Variants in DCX observed in about 807,000 individuals in gnomAD.
DCX encodes neuronal migration protein doublecortin.
In DCX, 4 loss-of-function variants were observed where a neutral mutation model predicts 20.9. The ratio of observed to expected loss-of-function variants is 0.19; its 90% confidence interval spans 0.09 to 0.44. DCX has a LOEUF of 0.44. DCX is among the 20% of genes least tolerant of loss of function. The pLI is 0.99. For missense variants in DCX, 133 were observed against 296.9 expected (o/e 0.45, Z 4.06); for synonymous variants, 103 against 111.4 (o/e 0.92, Z 0.47).
At chrX:111,301,847 T>A in intron 6 of DCX, 104 bp from the exon 7 acceptor site, 1 of 733,456 alleles carries the variant, frequency 1.4e-6, no homozygotes, top group Non-Finnish European at 2.1e-6. Flanking sequence ...TTTTACAACA[T>A]AATAATTATA....
At chrX:111,329,758 T>C (rs993942348) in intron 5 of DCX, among the ~76,000 whole-genome samples, 8 of 111,841 alleles carry the variant, frequency 7.2e-5, no homozygotes, top group Non-Finnish European at 1.5e-4. Context: ...GTAATATGCA[T>C]GCTCCTGGCA....
intron 2 of DCX, among the ~76,000 whole-genome samples, chrX:111,406,350 A>G (rs921045753): frequency 8.9e-6 from 1 of 112,340 alleles, no homozygotes; most frequent in African/African-American, 3.2e-5. Flanking sequence ...ACAATCCCTT[A>G]CTAACATAAT....
intron 3 of DCX, among the ~76,000 whole-genome samples, chrX:111,333,363 T>C (rs1921438205): frequency 9.0e-6 from 1 of 111,696 alleles, no homozygotes; most frequent in African/African-American, 3.3e-5. Flanking sequence ...TATCCATGTT[T>C]CATGTATGGT....
In DCX at chrX:111,295,041, A is replaced by T. The variant is rs1423047649; in HGVS notation, c.*6646T>A. ...CGTGGGAAATGCAAAATTCAATAAA[A>T]CATGCATTAGTTGTATACAAGTCAT... On this transcript the variant is annotated 3_prime_UTR_variant, in exon 7 of 7. Transcript: ENST00000636035. The T allele has an allele frequency of 8.9e-6, 1 of 112,843 alleles. No individual in the cohort carries two copies. The highest frequency in any genetic ancestry group is 1.9e-5 in the Non-Finnish European group (1 of 53,287). The allele number at this position is 112,843 out of a possible 1,213,427, so 9.3% of individuals were successfully genotyped here. A position where few individuals can be genotyped will look rare whatever the true frequency, so the allele number is the denominator to read the frequency against.
chrX:111,364,875 CTTGTT>C (rs759663303), intron 3 of DCX, among the ~76,000 whole-genome samples: 190 of 109,878 alleles, frequency 1.7e-3, no homozygotes, highest in Middle Eastern at 4.6e-3. Flanking sequence ...TCTTATTTAT[CTTGTT>C]TTGTTTTGTT....
At chrX:111,320,596 GA>G (rs1370011014) in intron 5 of DCX, among the ~76,000 whole-genome samples, 3 of 110,839 alleles carry the variant, frequency 2.7e-5, no homozygotes, top group Non-Finnish European at 5.7e-5. Context: ...TCCCTTCTCA[GA>G]ACCACAGCAT....
At chrX:111,408,632 G>GAGAAAGAAAGAAAGAAAGAA (rs61699743) in intron 2 of DCX, among the ~76,000 whole-genome samples, 27 of 78,000 alleles carry the variant, frequency 3.5e-4, no homozygotes, top group Admixed American at 3.3e-4. Context: ...AGAAAGAAAA[G>GAGAAAGAAAGAAAGAAAGAA]AGAAAGAAAG....
At position 111,376,593 on chromosome X, in the gene DCX, C is replaced by T. The variant is rs138310986; in HGVS notation, c.705+24397G>A. ...GAATTGTCCCTTAAAGATTCTCTAGCTTAGTGGTTCTTAAACACGAGTTTG... is the reference window on the plus strand; with the variant it reads ...GAATTGTCCCTTAAAGATTCTCTAGTTTAGTGGTTCTTAAACACGAGTTTG... On this transcript the variant is annotated intron_variant, in intron 3 of 6. Transcript: ENST00000636035. Among the ~76,000 whole-genome samples the T allele has an allele frequency of 1.5e-3, 168 of 111,577 alleles. 1 individual carries two copies. Among genetic ancestry groups the T allele is most frequent in the African/African-American group, 5.2e-3 (161 of 30,754 alleles).
At chrX:111,383,629 T>C (rs1189281541) in intron 3 of DCX, among the ~76,000 whole-genome samples, 2 of 111,647 alleles carry the variant, frequency 1.8e-5, no homozygotes, top group Non-Finnish European at 3.8e-5. Flanking sequence ...ATATTGTCCT[T>C]TATGGCCCTA....
chrX:111,319,467 G>C (rs139035339), intron 5 of DCX, among the ~76,000 whole-genome samples: 2,360 of 111,773 alleles, frequency 0.021, 76 homozygotes, highest in African/African-American at 0.073. Context: ...CAAAGAACAT[G>C]ACCTGTGCCA....
intron 5 of DCX, among the ~76,000 whole-genome samples, chrX:111,314,936 C>A (rs1260853146): frequency 1.8e-5 from 2 of 109,820 alleles, no homozygotes; most frequent in Non-Finnish European, 3.8e-5. Context: ...ATGGTAGTTT[C>A]TTTTGCTGTG....
chrX:111,389,954 C>A (rs1232575199), intron 3 of DCX, among the ~76,000 whole-genome samples: 1 of 111,727 alleles, frequency 9.0e-6, no homozygotes, highest in East Asian at 2.8e-4. Flanking sequence ...TGTTTCATGG[C>A]AAAAGGGCTT....
chrX:111,379,424 C>A (rs376188062), intron 3 of DCX, among the ~76,000 whole-genome samples: 1 of 111,511 alleles, frequency 9.0e-6, no homozygotes, highest in Non-Finnish European at 1.9e-5. Context: ...TTTGTTTCTA[C>A]GTATTTGTCT....
chrX:111,333,972 C>A (rs184542877), intron 3 of DCX, among the ~76,000 whole-genome samples: 1 of 111,885 alleles, frequency 8.9e-6, no homozygotes, highest in Non-Finnish European at 1.9e-5. Context: ...TAGTCCAGCA[C>A]ATCAGGGAAA....
At chrX:111,411,753 G>C (rs1928729931) in intron 1 of DCX, 1 of 111,469 alleles carries the variant, frequency 9.0e-6, no homozygotes, top group South Asian at 3.8e-4. Context: ...GGGTCTGCCA[G>C]GCTCAATTCC....
At position 111,301,423 on chromosome X, in the gene DCX, T is replaced by G. The variant is rs768041873; in HGVS notation, c.*264A>C. The G allele has an allele frequency of 2.4e-6, 1 of 415,677 alleles. No homozygotes were observed. The highest frequency in any genetic ancestry group is 4.3e-6 in the Non-Finnish European group (1 of 235,290). 34.3% of individuals were successfully genotyped at this position (415,677 alleles called of 1,213,427 possible). A position where few individuals can be genotyped will look rare whatever the true frequency, so the allele number is the denominator to read the frequency against. ...AGCTTTCCATTGAAAGGTCATGGAC[T>G]AGCACATTTTGCATCCCTGGAATGC... On this transcript the variant is annotated 3_prime_UTR_variant, in exon 7 of 7. Transcript: ENST00000636035.
At chrX:111,336,646 A>G (rs1921763039) in intron 3 of DCX, among the ~76,000 whole-genome samples, 1 of 112,157 alleles carries the variant, frequency 8.9e-6, no homozygotes. Flanking sequence ...CTCATGGCAG[A>G]GTTGGGACTA....
At chrX:111,341,873 A>G (rs778417717) in intron 3 of DCX, among the ~76,000 whole-genome samples, 1 of 111,148 alleles carries the variant, frequency 9.0e-6, no homozygotes, top group Non-Finnish European at 1.9e-5. Context: ...CTCCTGAAAG[A>G]AGCACTAAAT....
intron 5 of DCX, among the ~76,000 whole-genome samples, chrX:111,328,867 A>T (rs756372038): frequency 9.0e-6 from 1 of 111,104 alleles, no homozygotes. Flanking sequence ...TGATACCCAC[A>T]TGAGAGACTC....
Sources: gnomAD v4.1 joint callset for allele counts (sites outside exome capture counted in the v4.1 genomes callset) on GRCh38, gnomAD v4.1.1 for gene constraint, MANE v1.5 for transcripts, NCBI Gene and HGNC (gene_info 2026-07-23, HGNC 2026-07-21) for gene names.